Variants in OXTR observed in about 807,000 individuals in gnomAD.
OXTR encodes oxytocin receptor.
OXTR carries 19 observed loss-of-function variants against 23.9 expected under a neutral mutation model. The ratio of observed to expected loss-of-function variants is 0.80; its 90% CI spans 0.56 to 1.17. OXTR has a LOEUF of 1.17. Among genes scored for constraint, OXTR ranks in the 50% most tolerant of loss-of-function variants. The probability of loss-of-function intolerance (pLI) is 0.00; values close to 1 mark genes in which losing one functional copy is unlikely to be tolerated. For missense variants in OXTR, 500 were observed against 550.7 expected, an observed-to-expected ratio of 0.91 and a Z score of 0.92; for synonymous variants, 278 against 250.5, an observed-to-expected ratio of 1.11 and a Z score of -1.04.
Position 8,753,009 on chromosome 3 carries a change from G to A in OXTR, c.1138C>T (p.Gln380Ter). ...SFVLSHRSSS[Q>*]RSCSQPSTA ...GTGGATGGCTGGGAGCAGCTCCTCT[G>A]GCTGGAGCTGCGATGGCTCAGGACA... The change falls in exon 4 of 4, where the codon CAG becomes TAG. Residue 380 changes from glutamine to a stop codon, truncating the protein, a stop_gained. Transcript: ENST00000316793. LOFTEE classifies it high-confidence loss of function. 6.2e-7 allele frequency: 1 copy of A among 1,613,830 alleles called. No homozygotes were observed. Among genetic ancestry groups the A allele is most frequent in the African/African-American group, 1.3e-5 (1 of 75,050 alleles).
Position 8,768,084 on chromosome 3 carries a change from T to A in OXTR, c.104A>T (p.Asn35Ile). 6.7e-7 allele frequency: 1 copy of A among 1,486,024 alleles called. No homozygotes were observed. The highest frequency in any genetic ancestry group is 8.9e-7 in the Non-Finnish European group (1 of 1,118,754). 92.1% of individuals were successfully genotyped at this position (1,486,024 alleles called of 1,614,324 possible). A position where few individuals can be genotyped will look rare whatever the true frequency, so the allele number is the denominator to read the frequency against. Residue 35 changes from asparagine to isoleucine, a missense_variant, in exon 3 of 4, where the codon AAC becomes ATC. Transcript: ENST00000316793. This position sits in a 1 kb window ranked among gnomAD's most constrained non-coding sequence, Gnocchi z 5.4. Reference protein sequence around the residue: ...GNRTAGPPRRNEALARVEVAV... With the variant: ...GNRTAGPPRRIEALARVEVAV... ...CACCTCCACGCGCGCCAGGGCCTCG[T>A]TGCGCCGCGGGGGTCCGGCGGTGCG...
rs1041617804 is a variant in OXTR at position 8,752,380 on chromosome 3, T to C, written c.*597A>G. Reference sequence around the variant, plus strand: ...TCTTTCCCAAATGCTTCTTAAACATTAGCTTCTTAAACATTTTTAACCCAA... The same window carrying C: ...TCTTTCCCAAATGCTTCTTAAACATCAGCTTCTTAAACATTTTTAACCCAA... On this transcript the variant is annotated 3_prime_UTR_variant, in exon 4 of 4. Transcript: ENST00000316793. The C allele has an allele frequency of 6.5e-6, 1 of 152,708 alleles. No homozygotes were observed. Among genetic ancestry groups the C allele is most frequent in the African/African-American group, 2.4e-5 (1 of 41,432 alleles). 9.5% of individuals were successfully genotyped at this position (152,708 alleles called of 1,614,324 possible).
chr3:8,761,623 A>G (rs1219927929), intron 3 of OXTR, among the ~76,000 whole-genome samples: 1 of 152,144 alleles, frequency 6.6e-6, no homozygotes, highest in Non-Finnish European at 1.5e-5. Flanking sequence ...TCTAAGCCTC[A>G]GTTTCATCAT....
At chr3:8,760,051 A>T (rs1708454159) in intron 3 of OXTR, among the ~76,000 whole-genome samples, 1 of 152,210 alleles carries the variant, frequency 6.6e-6, no homozygotes, top group African/African-American at 2.4e-5. Context: ...ACCATGCGCC[A>T]ACTGGACCTG....
At chr3:8,764,104 AAG>A (rs149622794) in intron 3 of OXTR, among the ~76,000 whole-genome samples, 2,799 of 152,272 alleles carry the variant, frequency 0.018, 85 homozygotes, top group African/African-American at 0.064. Context: ...AGAGATGGAA[AAG>A]AGAGAGCAAA....
At chr3:8,741,921 G>C in the OXTR span, among the ~76,000 whole-genome samples, 2 of 152,156 alleles carry the variant, frequency 1.3e-5, no homozygotes, top group African/African-American at 4.8e-5. Flanking sequence ...CCACAGAAGG[G>C]GACACCGACA....
chr3:8,741,293 T>C, the OXTR span, among the ~76,000 whole-genome samples: 2 of 152,236 alleles, frequency 1.3e-5, no homozygotes, highest in East Asian at 1.9e-4. Context: ...CCAATGTTTA[T>C]TGTTAGATTC....
chr3:8,747,258 C>T (rs1245334722), downstream of OXTR, among the ~76,000 whole-genome samples: 2 of 152,082 alleles, frequency 1.3e-5, no homozygotes, highest in Admixed American at 6.5e-5. Context: ...CTCCTAGTTG[C>T]CTTTTCTGCC....
In OXTR at chr3:8,753,035, A is replaced by C. The variant is rs759201253; in HGVS notation, c.1112T>G (p.Phe371Cys). Residue 371 changes from phenylalanine to cysteine, a missense_variant, in exon 4 of 4, where the codon TTT becomes TGT. Transcript: ENST00000316793. ...GCTGGAGCTGCGATGGCTCAGGACA[A>C]AGGAGGACGAGTTGCTCTTTTTGCT... Reference protein sequence around the residue: ...SASKKSNSSSFVLSHRSSSQR... With the variant: ...SASKKSNSSSCVLSHRSSSQR... 1 of 1,614,156 alleles carries C rather than the reference A, an allele frequency of 6.2e-7. No homozygotes were observed. The highest frequency in any genetic ancestry group is 8.5e-7 in the Non-Finnish European group (1 of 1,180,014).
chr3:8,753,067 C>A lies in OXTR; in HGVS notation c.1080G>T (p.Thr360=), dbSNP rs757230261. ...ACGAGTTGCTCTTTTTGCTGGCACT[C>A]GTCTCTCCCAGGCGTCTGCCCTTCA... ...SYLKGRRLGE[T]SASKKSNSSS... is the part of the protein sequence containing the mutation. The change falls in exon 4 of 4, where the codon ACG becomes ACT. Residue 360 remains threonine (T), a synonymous_variant. Coordinates refer to ENST00000316793, the MANE Select transcript of OXTR (RefSeq NM_000916.4). 1.2e-6 allele frequency: 2 copies of A among 1,614,092 alleles called. No individual in the cohort carries two copies. Among genetic ancestry groups the A allele is most frequent in the Admixed American group, 3.3e-5 (2 of 60,026 alleles).
chr3:8,749,005 C>T (rs1708211494), downstream of OXTR, among the ~76,000 whole-genome samples: 1 of 152,136 alleles, frequency 6.6e-6, no homozygotes, highest in Non-Finnish European at 1.5e-5. Flanking sequence ...GCAACCCCGG[C>T]CATGCATATG....
downstream of OXTR, chr3:8,746,029 G>A: frequency 1.6e-6 from 1 of 613,756 alleles, no homozygotes; most frequent in Non-Finnish European, 2.8e-6. Context: ...AGAAAAGACG[G>A]CCCAGCCACA....
chr3:8,767,711 G>A lies in OXTR; in HGVS notation c.477C>T (p.Ala159=). The change falls in exon 3 of 4, where the codon GCC becomes GCT. Residue 159 remains alanine (A), a synonymous_variant. Coordinates refer to ENST00000316793, the MANE Select transcript of OXTR (RefSeq NM_000916.4). ...RRRTDRLAVL[A]TWLGCLVASA... is the part of the protein sequence containing the mutation. ...TGGCCACCAGGCAGCCGAGCCACGT[G>A]GCGAGCACTGCCAGGCGGTCGGTGC... 3 of 1,609,962 alleles carry A rather than the reference G, an allele frequency of 1.9e-6. No homozygotes were observed. The highest frequency in any genetic ancestry group is 2.2e-5 in the South Asian group (2 of 90,720).
rs148310398 is a variant in OXTR, at chr3:8,762,702, A to T, written c.922+4564T>A. On this transcript the variant is annotated intron_variant, in intron 3 of 3. Transcript: ENST00000316793. The stretch of plus-strand genomic sequence containing the variant: ...GCCCGAGGATCCTCAGTCCCACAGA[A>T]ACAGGGAGGGGCTGGGAAGCTCATT... Among the ~76,000 whole-genome samples, 504 of 152,342 alleles carry T rather than the reference A, an allele frequency of 3.3e-3. 3 individuals carry two copies. The highest frequency in any genetic ancestry group is 0.012 in the African/African-American group (480 of 41,572).
At position 8,752,426 on chromosome 3, in the gene OXTR, C is replaced by T. The variant is rs1708282121; in HGVS notation, c.*551G>A. 6.5e-6 allele frequency: 1 copy of T among 152,992 alleles called. No individual in the cohort carries two copies. The highest frequency in any genetic ancestry group is 1.5e-5 in the Non-Finnish European group (1 of 68,336). 9.5% of individuals were successfully genotyped at this position (152,992 alleles called of 1,614,324 possible). On this transcript the variant is annotated 3_prime_UTR_variant, in exon 4 of 4. Transcript: ENST00000316793. Reference sequence around the variant, plus strand: ...CCCAAGTTCTAATAGGTCCACTGCGCCAGATGGTCTTACAAGGTAATCCCC... The same window carrying T: ...CCCAAGTTCTAATAGGTCCACTGCGTCAGATGGTCTTACAAGGTAATCCCC...
chr3:8,766,695 G>A (rs1708615983), intron 3 of OXTR, among the ~76,000 whole-genome samples: 3 of 151,594 alleles, frequency 2.0e-5, no homozygotes, highest in South Asian at 2.1e-4. Flanking sequence ...GGACTCCTCT[G>A]CCCCCCAACA....
chr3:8,750,222 T>C (rs1224820007), downstream of OXTR, among the ~76,000 whole-genome samples: 1 of 152,196 alleles, frequency 6.6e-6, no homozygotes, highest in East Asian at 1.9e-4. Context: ...AGTAGGGATA[T>C]ATTTTCACTG....
Position 8,767,743 on chromosome 3 carries a change from G to C in OXTR, c.445C>G (p.Arg149Gly). ...ACTGCCAGGCGGTCGGTGCGGCGGC[G>C]CAGCGAGCGCAGCGGCTGGCAGATG... ...LAICQPLRSLRRRTDRLAVLA... is the reference protein window; with the variant it reads ...LAICQPLRSLGRRTDRLAVLA... The change falls in exon 3 of 4, where the codon CGC becomes GGC. Residue 149 changes from arginine to glycine, a missense_variant. By Grantham distance (125) the Arg-to-Gly change is moderately radical. Transcript: ENST00000316793. 6.2e-7 allele frequency: 1 copy of C among 1,606,968 alleles called. No individual in the cohort carries two copies. Among genetic ancestry groups the C allele is most frequent in the Non-Finnish European group, 8.5e-7 (1 of 1,176,892 alleles).
intron 3 of OXTR, among the ~76,000 whole-genome samples, chr3:8,763,101 G>A (rs1708524780): frequency 6.6e-6 from 1 of 152,170 alleles, no homozygotes; most frequent in Non-Finnish European, 1.5e-5. Flanking sequence ...AACAGGACAA[G>A]CAGCGTCCCT....
Sources: gnomAD v4.1 joint callset for allele counts (sites outside exome capture counted in the v4.1 genomes callset) on GRCh38, gnomAD v4.1.1 for gene constraint, Gnocchi (gnomAD v3.1) non-coding constraint, MANE v1.5 for transcripts, NCBI Gene and HGNC (gene_info 2026-07-23, HGNC 2026-07-21) for gene names.